The following MECOM variants were observed in gnomAD, a reference collection of about 807,000 sequenced individuals.
MECOM encodes the protein MDS1 and EVI1 complex locus.
MECOM carries 13 observed loss-of-function variants against 116.3 expected under a neutral mutation model. The ratio of observed to expected loss-of-function variants is 0.11; its 90% CI spans 0.07 to 0.18. The LOEUF (loss-of-function observed/expected upper bound fraction) is 0.18. Among genes scored for constraint, MECOM ranks in the 10% least tolerant of loss-of-function variants. The pLI is 1.00. For synonymous variants in MECOM, 528 were observed against 535.2 expected, an observed-to-expected ratio of 0.99 and a Z score of 0.19; for missense variants, 1,299 against 1,509.0, an observed-to-expected ratio of 0.86 and a Z score of 2.31.
intron 10 of MECOM, among the ~76,000 whole-genome samples, 156 bp downstream of exon 10, chr3:169,107,770 T>C (rs988743134): frequency 2.0e-5 from 3 of 152,202 alleles, no homozygotes; most frequent in African/African-American, 4.8e-5. Context: ...ACTGAAAGAA[T>C]GCAGCTTGAG....
rs148783364 is a variant in MECOM at position 169,462,529 on chromosome 3, A to G, written c.38-81005T>C. 7.2e-3 allele frequency among the ~76,000 whole-genome samples: 1,102 copies of G among 152,250 alleles called. 9 individuals are homozygous for G. Among genetic ancestry groups the G allele is most frequent in the African/African-American group, 0.025 (1,031 of 41,524 alleles). On this transcript the variant is annotated intron_variant, in intron 1 of 16. Coordinates refer to ENST00000651503, the MANE Select transcript of MECOM (RefSeq NM_004991.4). Reference sequence around the variant, plus strand: ...ATTCCTGGCAAAAATTAGATGTCCCATATGTGTTTCTTGAATTCATATGTT... The same window carrying G: ...ATTCCTGGCAAAAATTAGATGTCCCGTATGTGTTTCTTGAATTCATATGTT...
At chr3:169,158,419 A>G (rs1043544490) in intron 2 of MECOM, among the ~76,000 whole-genome samples, 2 of 152,220 alleles carry the variant, frequency 1.3e-5, no homozygotes, top group African/African-American at 4.8e-5. Flanking sequence ...TGGATGAGAG[A>G]GAAAGAGGGA....
At chr3:169,429,808 A>G (rs1741309660) in intron 1 of MECOM, among the ~76,000 whole-genome samples, 1 of 152,168 alleles carries the variant, frequency 6.6e-6, no homozygotes, top group African/African-American at 2.4e-5. Flanking sequence ...TCTCTACGTC[A>G]GTGTATTGTT....
Position 169,432,452 on chromosome 3 carries a change from C to T in MECOM, c.38-50928G>A, listed in dbSNP as rs113773777. Among the ~76,000 whole-genome samples, 311 of 152,294 alleles carry T rather than the reference C, an allele frequency of 2.0e-3. 4 individuals are homozygous for T. The highest frequency in any genetic ancestry group is 6.9e-3 in the African/African-American group (288 of 41,568). On this transcript the variant is annotated intron_variant, in intron 1 of 16. Transcript: ENST00000651503. ...GGATTATAGGCGTGAGCCACTGTGC[C>T]GGGCTGTCATTTTTTTCTTCTCATT...
intron 2 of MECOM, among the ~76,000 whole-genome samples, chr3:169,235,507 T>C (rs771463113): frequency 5.9e-5 from 9 of 151,768 alleles, no homozygotes; most frequent in African/African-American, 1.9e-4. Flanking sequence ...CTCTCACATA[T>C]GAAAACGTGT....
At chr3:169,167,872 A>C (rs933026069) in intron 2 of MECOM, among the ~76,000 whole-genome samples, 1 of 152,138 alleles carries the variant, frequency 6.6e-6, no homozygotes, top group African/African-American at 2.4e-5. Flanking sequence ...ATGACTTTTG[A>C]GTACTTGTCC....
At chr3:169,574,135 A>G (rs1764233418) in intron 1 of MECOM, among the ~76,000 whole-genome samples, 1 of 152,210 alleles carries the variant, frequency 6.6e-6, no homozygotes, top group Admixed American at 6.5e-5. Flanking sequence ...TTTGAGGGCT[A>G]CCTGAAAAGC....
chr3:169,577,669 G>T (rs1412709230), intron 1 of MECOM, among the ~76,000 whole-genome samples: 1 of 152,076 alleles, frequency 6.6e-6, no homozygotes, highest in Non-Finnish European at 1.5e-5. Context: ...ATTCAACAAG[G>T]CTTCAAATTT....
intron 1 of MECOM, among the ~76,000 whole-genome samples, chr3:169,530,037 CAT>C: frequency 6.6e-6 from 1 of 152,298 alleles, no homozygotes; most frequent in Middle Eastern, 3.4e-3. Flanking sequence ...GAAGAACAAA[CAT>C]GGGGATTGCT....
At chr3:169,536,042 A>G (rs1759308011) in intron 1 of MECOM, among the ~76,000 whole-genome samples, 1 of 152,176 alleles carries the variant, frequency 6.6e-6, no homozygotes, top group African/African-American at 2.4e-5. Context: ...TCATTTAATA[A>G]CAGCCCATGT....
intron 2 of MECOM, among the ~76,000 whole-genome samples, chr3:169,227,550 G>T (rs540641183): frequency 2.6e-5 from 4 of 152,096 alleles, no homozygotes; most frequent in Admixed American, 1.3e-4. Context: ...TGGTTATGGG[G>T]ACAGAGATCT....
At chr3:169,275,894 T>C (rs1759516735) in intron 2 of MECOM, among the ~76,000 whole-genome samples, 1 of 152,232 alleles carries the variant, frequency 6.6e-6, no homozygotes, top group South Asian at 2.1e-4. Context: ...TGAATTGAAT[T>C]CTTACTAACA....
intron 1 of MECOM, among the ~76,000 whole-genome samples, chr3:169,646,754 C>G (rs1774243102): frequency 6.6e-6 from 1 of 152,176 alleles, no homozygotes; most frequent in South Asian, 2.1e-4. Context: ...AAATGAAAAT[C>G]TGAATCTAGC....
At chr3:169,491,562 A>G (rs540211052) in intron 1 of MECOM, among the ~76,000 whole-genome samples, 11 of 152,354 alleles carry the variant, frequency 7.2e-5, no homozygotes, top group African/African-American at 2.2e-4. Flanking sequence ...ATCTTCATGA[A>G]TAACTACATT....
intron 2 of MECOM, among the ~76,000 whole-genome samples, chr3:169,259,592 A>G (rs986788287): frequency 6.6e-6 from 1 of 152,084 alleles, no homozygotes; most frequent in African/African-American, 2.4e-5. Context: ...TGCCTGACAC[A>G]GTGGCACACA....
intron 12 of MECOM, among the ~76,000 whole-genome samples, chr3:169,099,453 A>G (rs765768431): frequency 6.6e-6 from 1 of 152,164 alleles, no homozygotes; most frequent in Non-Finnish European, 1.5e-5. Flanking sequence ...GCATTCTATC[A>G]TGTATAAATT....
intron 2 of MECOM, among the ~76,000 whole-genome samples, chr3:169,319,190 G>A (rs1720371076): frequency 6.6e-6 from 1 of 151,890 alleles, no homozygotes; most frequent in African/African-American, 2.4e-5. Context: ...GCCCATCAGT[G>A]ATCGACTGGA....
At chr3:169,095,409 C>T (rs920646089) in intron 12 of MECOM, among the ~76,000 whole-genome samples, 164 bp from the exon 13 acceptor site, 14 of 152,138 alleles carry the variant, frequency 9.2e-5, no homozygotes, top group South Asian at 2.1e-4. Flanking sequence ...TTCCAATATA[C>T]TCTGATTGCT....
chr3:169,400,960 A>G (rs1389842916), intron 1 of MECOM, among the ~76,000 whole-genome samples: 3 of 152,176 alleles, frequency 2.0e-5, no homozygotes, highest in Non-Finnish European at 4.4e-5. Context: ...TCCAGATCTC[A>G]AATATCCCAG....
Sources: allele counts gnomAD v4.1 joint callset (sites outside exome capture counted in the v4.1 genomes callset), GRCh38; gene constraint gnomAD v4.1.1; transcripts MANE v1.5; gene names NCBI Gene and HGNC (gene_info 2026-07-23, HGNC 2026-07-21).